Variants in ANXA6 observed in about 807,000 individuals in gnomAD.
ANXA6 encodes the protein 67 kDa calelectrin.
A neutral mutation model predicts 95.4 loss-of-function variants in ANXA6; 71 were observed. The observed-to-expected ratio is 0.74, with a 90% CI of 0.61 to 0.91. The LOEUF is 0.91. ANXA6 is among the 40% of genes least tolerant of loss of function. The pLI, the probability that ANXA6 is intolerant of heterozygous loss-of-function variation, is 0.00. For synonymous variants in ANXA6, 289 were observed against 315.9 expected (o/e 0.91, Z 0.90); for missense variants, 830 against 876.4 (o/e 0.95, Z 0.67).
At chr5:151,149,179 CAAAAA>C (rs36120948) in intron 1 of ANXA6, among the ~76,000 whole-genome samples, 4 of 47,296 alleles carry the variant, frequency 8.5e-5, no homozygotes, top group African/African-American at 2.7e-4. Flanking sequence ...AGCCCTGTCT[CAAAAA>C]AAAAAAAAAA....
At chr5:151,137,390 A>G (rs1765697582) in intron 5 of ANXA6, 69 bp from the exon 6 acceptor site, 2 of 1,341,250 alleles carry the variant, frequency 1.5e-6, no homozygotes, top group African/African-American at 2.9e-5. Context: ...GGTTGGGATC[A>G]GGGAGTGGCC....
At chr5:151,126,845 T>C (rs1765337681) in intron 13 of ANXA6, among the ~76,000 whole-genome samples, 2 of 152,198 alleles carry the variant, frequency 1.3e-5, no homozygotes, top group Admixed American at 6.5e-5. Flanking sequence ...GTCTCCCAAG[T>C]AGCTAGGATT....
intron 12 of ANXA6, 138 bp from the exon 13 acceptor site, chr5:151,128,377 T>C (rs1765391431): frequency 5.7e-6 from 4 of 702,016 alleles, no homozygotes; most frequent in Non-Finnish European, 7.3e-6. Context: ...CCTCCTGTGC[T>C]GGTTAATATT....
rs953494142 is a variant in ANXA6 at position 151,101,391 on chromosome 5, A to C, written c.*57T>G. 3.3e-6 allele frequency: 4 copies of C among 1,209,358 alleles called. No homozygotes were observed. Among genetic ancestry groups the C allele is most frequent in the Non-Finnish European group, 3.3e-6 (3 of 901,734 alleles). 74.9% of individuals were successfully genotyped at this position (1,209,358 alleles called of 1,614,324 possible). ...GGAGCTGGAACAATCAGGCTTGGCC[A>C]TGGCGGCTGGTGCTGATAACCATTT... On this transcript the variant is annotated 3_prime_UTR_variant, in exon 26 of 26. Transcript: ENST00000354546.
intron 17 of ANXA6, among the ~76,000 whole-genome samples, 171 bp downstream of exon 17, chr5:151,121,976 T>A (rs1300738807): frequency 3.3e-5 from 5 of 152,202 alleles, no homozygotes; most frequent in African/African-American, 1.2e-4. Flanking sequence ...GAGCTAGTCC[T>A]GTAGTTTTCA....
intron 1 of ANXA6, among the ~76,000 whole-genome samples, chr5:151,157,462 C>CCTCCGCCCGCGCCT (rs1306853395): frequency 6.6e-6 from 1 of 152,222 alleles, no homozygotes; most frequent in Admixed American, 6.5e-5. Flanking sequence ...GCCAGGGCGC[C>CCTCCGCCCGCGCCT]CTCCGCCCGC....
rs79062222 is a variant in ANXA6, at chr5:151,145,138, G to C, written c.18+2746C>G. Reference sequence around the variant, plus strand: ...ACTTTCCACCCTGAAATATTCAGCAGGTCCTGGTGCCAGCTGGTGAGCAGC... The same window carrying C: ...ACTTTCCACCCTGAAATATTCAGCACGTCCTGGTGCCAGCTGGTGAGCAGC... On this transcript the variant is annotated intron_variant, in intron 2 of 25. Coordinates refer to ENST00000354546, the MANE Select transcript of ANXA6 (RefSeq NM_001155.5). 4.0e-3 allele frequency among the ~76,000 whole-genome samples: 609 copies of C among 152,328 alleles called. 3 individuals carry two copies. The highest frequency in any genetic ancestry group is 0.013 in the African/African-American group (557 of 41,578).
At chr5:151,118,614 A>T (rs776067390) in intron 18 of ANXA6, among the ~76,000 whole-genome samples, 1 of 152,084 alleles carries the variant, frequency 6.6e-6, no homozygotes, top group Non-Finnish European at 1.5e-5. Flanking sequence ...TTGCATTTTT[A>T]GTAGAGACGG....
At chr5:151,135,974 G>T (rs1179070917) in intron 7 of ANXA6, among the ~76,000 whole-genome samples, 1 of 152,176 alleles carries the variant, frequency 6.6e-6, no homozygotes, top group Non-Finnish European at 1.5e-5. Flanking sequence ...CAGGAATGCT[G>T]GGGTCCAGAA....
At chr5:151,136,109 G>A in intron 7 of ANXA6, 147 bp downstream of exon 7, 3 of 675,140 alleles carry the variant, frequency 4.4e-6, no homozygotes, top group Non-Finnish European at 7.6e-6. Flanking sequence ...AGGACTGTGT[G>A]CCAAAGAGAA....
intron 2 of ANXA6, among the ~76,000 whole-genome samples, chr5:151,145,885 G>T (rs1765963116): frequency 6.6e-6 from 1 of 152,084 alleles, no homozygotes; most frequent in Non-Finnish European, 1.5e-5. Context: ...TCCCTGCCTA[G>T]ACCACTCTGA....
chr5:151,141,223 A>G (rs113077790), intron 2 of ANXA6, among the ~76,000 whole-genome samples: 38 of 152,318 alleles, frequency 2.5e-4, no homozygotes, highest in African/African-American at 8.9e-4. Flanking sequence ...AGCAGCTGAG[A>G]GCTGGCAGAG....
At chr5:151,147,833 C>T (rs1182237333) in intron 2 of ANXA6, 51 bp downstream of exon 2, 1 of 1,571,816 alleles carries the variant, frequency 6.4e-7, no homozygotes, top group Non-Finnish European at 8.6e-7. Flanking sequence ...CAGGAGGATC[C>T]CAGGCCCAGA....
intron 2 of ANXA6, among the ~76,000 whole-genome samples, chr5:151,143,046 G>A (rs565457353): frequency 6.6e-5 from 10 of 152,284 alleles, no homozygotes; most frequent in African/African-American, 2.4e-4. Flanking sequence ...AATAAGAGAG[G>A]GAAAGGACTT....
At chr5:151,101,581 T>C (rs1764552973) in intron 25 of ANXA6, 74 bp from the exon 26 acceptor site, 2 of 1,341,896 alleles carry the variant, frequency 1.5e-6, no homozygotes, top group Non-Finnish European at 2.1e-6. Context: ...CGGCTGCCCA[T>C]CTGTCTGGAC....
chr5:151,116,167 G>A (rs1437104919), intron 20 of ANXA6, among the ~76,000 whole-genome samples: 4 of 152,222 alleles, frequency 2.6e-5, no homozygotes, highest in Non-Finnish European at 5.9e-5. Context: ...CCACACTTCT[G>A]TTATGGGACC....
In ANXA6 at chr5:151,136,281, T is replaced by C. The variant is rs1443042822; in HGVS notation, c.464A>G (p.Gln155Arg). The C allele has an allele frequency of 6.2e-7, 1 of 1,613,952 alleles. No homozygotes were observed. The highest frequency in any genetic ancestry group is 8.5e-7 in the Non-Finnish European group (1 of 1,179,860). Residue 155 changes from glutamine (Q) to arginine (R), a missense_variant, in exon 7 of 26, where the codon CAG becomes CGG. Coordinates refer to ENST00000354546, the MANE Select transcript of ANXA6 (RefSeq NM_001155.5). Reference sequence around the variant, plus strand: ...CTGGAGCAGGACCACAAGCATCTTCTGGAAGTGGCCAGAGGTGTCGCCGAT... The same window carrying C: ...CTGGAGCAGGACCACAAGCATCTTCCGGAAGTGGCCAGAGGTGTCGCCGAT... ...DIIGDTSGHF[Q>R]KMLVVLLQGT...
intron 20 of ANXA6, among the ~76,000 whole-genome samples, chr5:151,112,550 T>C (rs1164245518): frequency 6.6e-6 from 1 of 152,234 alleles, no homozygotes; most frequent in Non-Finnish European, 1.5e-5. Context: ...AAACAACCTA[T>C]GCCAGGCACA....
chr5:151,124,442 G>T, intron 14 of ANXA6, 75 bp from the exon 15 acceptor site: 1 of 1,461,028 alleles, frequency 6.8e-7, no homozygotes, highest in Non-Finnish European at 9.4e-7. Flanking sequence ...CAGCATGCGA[G>T]GGTGGGAAGC....
Sources: allele counts gnomAD v4.1 joint callset (sites outside exome capture counted in the v4.1 genomes callset), GRCh38; gene constraint gnomAD v4.1.1; transcripts MANE v1.5; gene names NCBI Gene and HGNC (gene_info 2026-07-23, HGNC 2026-07-21).